The following ZNF398 variants were observed in gnomAD, a reference collection of about 807,000 sequenced individuals.
ZNF398 encodes zinc finger DNA binding protein ZER6.
Under a neutral mutation model 41.9 loss-of-function variants are expected in ZNF398, and 18 were observed. That is an observed-to-expected ratio of 0.43 (90% CI 0.30 to 0.64). ZNF398 has a LOEUF of 0.64. ZNF398 is among the 30% of genes least tolerant of loss of function. The pLI is 0.14. For synonymous variants in ZNF398, 260 were observed against 308.8 expected, an observed-to-expected ratio of 0.84 and a Z score of 1.66; for missense variants, 669 against 822.8, an observed-to-expected ratio of 0.81 and a Z score of 2.29.
chr7:149,126,989 C>T (rs915455675), intron 1 of ZNF398, among the ~76,000 whole-genome samples: 2 of 152,216 alleles, frequency 1.3e-5, no homozygotes, highest in Non-Finnish European at 2.9e-5. Context: ...TCGGGGCCGC[C>T]TGCGGGGACT....
At chr7:149,176,419 T>C (rs771290707) in intron 4 of ZNF398, 49 bp from the exon 5 acceptor site, 2 of 1,214,206 alleles carry the variant, frequency 1.6e-6, no homozygotes, top group Non-Finnish European at 2.5e-6. Flanking sequence ...TTATCTTACC[T>C]TCTTATTCAA....
chr7:149,178,174 C>T (rs1286368867), intron 5 of ZNF398, among the ~76,000 whole-genome samples: 1 of 151,700 alleles, frequency 6.6e-6, no homozygotes, highest in African/African-American at 2.4e-5. Context: ...TGCCTGTAGT[C>T]CCAGCTACTC....
intron 2 of ZNF398, among the ~76,000 whole-genome samples, chr7:149,157,959 C>T (rs1236308880): frequency 6.6e-6 from 1 of 151,142 alleles, no homozygotes; most frequent in Non-Finnish European, 1.5e-5. Context: ...CCTGTAGTCC[C>T]TGCCTGTAGC....
At chr7:149,154,581 A>G (rs1794929686) in intron 2 of ZNF398, among the ~76,000 whole-genome samples, 1 of 149,822 alleles carries the variant, frequency 6.7e-6, no homozygotes, top group African/African-American at 2.5e-5. Flanking sequence ...AAAGTTGGCT[A>G]TCTGGTAGAT....
chr7:149,179,700 C>T lies in ZNF398; in HGVS notation c.1828C>T (p.Pro610Ser). The T allele has an allele frequency of 6.2e-7, 1 of 1,614,214 alleles. No individual in the cohort carries two copies. The highest frequency in any genetic ancestry group is 8.5e-7 in the Non-Finnish European group (1 of 1,180,038). ...AGGTCAGCCACCCAACCCACCAGGT[C>T]CCCTCATAACTGGGCTTGAAACTTC... ...PSGQPPNPPG[P>S]LITGLETSGL... Residue 610 changes from proline (P) to serine (S), a missense_variant, in exon 6 of 6, where the codon CCC becomes TCC. By Grantham distance (74) the Pro-to-Ser change is moderately conservative. Coordinates refer to ENST00000475153, the MANE Select transcript of ZNF398 (RefSeq NM_170686.3). This position sits in a 1 kb window ranked among gnomAD's most constrained non-coding sequence, Gnocchi z 6.1.
At chr7:149,127,609 A>C (rs7780357) in intron 1 of ZNF398, among the ~76,000 whole-genome samples, 137,840 of 147,584 alleles carry the variant, frequency 0.93, 64,481 homozygotes, top group East Asian at 1. Flanking sequence ...CCCAGCTCCT[A>C]GGGAGGCTGA....
At chr7:149,141,447 C>CTTTTTTTTTTTTTTTT (rs35331670) in intron 2 of ZNF398, among the ~76,000 whole-genome samples, 1 of 116,814 alleles carries the variant, frequency 8.6e-6, no homozygotes, top group African/African-American at 2.9e-5. Flanking sequence ...AGCTACTTTT[C>CTTTTTTTTTTTTTTTT]TTTTTTTTCT....
intron 2 of ZNF398, among the ~76,000 whole-genome samples, chr7:149,138,667 A>G (rs1419433782): frequency 6.6e-6 from 1 of 152,200 alleles, no homozygotes; most frequent in Non-Finnish European, 1.5e-5. Context: ...GTGTATACAT[A>G]TATATATTTA....
At chr7:149,165,385 T>C (rs1795206151) in intron 2 of ZNF398, among the ~76,000 whole-genome samples, 1 of 152,280 alleles carries the variant, frequency 6.6e-6, no homozygotes, top group South Asian at 2.1e-4. Context: ...ACAGTCAAGC[T>C]AAAGAGAAAT....
chr7:149,178,087 C>CCT (rs1795500133), intron 5 of ZNF398, among the ~76,000 whole-genome samples: 1 of 152,088 alleles, frequency 6.6e-6, no homozygotes, highest in Non-Finnish European at 1.5e-5. Flanking sequence ...GTCAGGAGAT[C>CCT]GAGACCATCC....
chr7:149,168,106 TCTCA>T lies in ZNF398; in HGVS notation c.661+1180_661+1183del, dbSNP rs1795261372. Among the ~76,000 whole-genome samples the T allele has an allele frequency of 2.0e-5, 3 of 152,118 alleles. 1 individual carries two copies. The South Asian group carries it at 6.2e-4, about 32-fold the overall frequency. On this transcript the variant is annotated intron_variant, in intron 4 of 5. Coordinates refer to ENST00000475153, the MANE Select transcript of ZNF398 (RefSeq NM_170686.3). Reference sequence around the variant, plus strand: ...TTATTTATTTATTTTGGAGATGGAGTCTCACTCTGTCGCCCAGGCTGGAATGCAG... The same window carrying T: ...TTATTTATTTATTTTGGAGATGGAGTCTCTGTCGCCCAGGCTGGAATGCAG...
intron 2 of ZNF398, among the ~76,000 whole-genome samples, chr7:149,163,429 A>C (rs1795154474): frequency 6.8e-6 from 1 of 146,442 alleles, no homozygotes; most frequent in African/African-American, 2.5e-5. Flanking sequence ...CTGAAGTACA[A>C]TGGTGTGATC....
chr7:149,132,379 A>G (rs573440484), intron 2 of ZNF398, among the ~76,000 whole-genome samples: 1 of 152,044 alleles, frequency 6.6e-6, no homozygotes, highest in South Asian at 2.1e-4. Flanking sequence ...TTTTTAGTAG[A>G]TATGGGGTTT....
In ZNF398 at chr7:149,180,559, A is replaced by T. The variant is rs1795568539; in HGVS notation, c.*758A>T. The T allele has an allele frequency of 6.6e-6, 1 of 152,182 alleles. No homozygotes were observed. The highest frequency in any genetic ancestry group is 2.1e-4 in the South Asian group (1 of 4,836). The allele number at this position is 152,182 out of a possible 1,614,324, so 9.4% of individuals were successfully genotyped here. On this transcript the variant is annotated 3_prime_UTR_variant, in exon 6 of 6. Transcript: ENST00000475153. ...AGAAATCTTTGCCAAGGTCCTGGTTAAAAAAATTGGAAACGGTTTTCTTAG... is the reference window on the plus strand; with the variant it reads ...AGAAATCTTTGCCAAGGTCCTGGTTTAAAAAATTGGAAACGGTTTTCTTAG...
intron 2 of ZNF398, among the ~76,000 whole-genome samples, chr7:149,161,221 T>C (rs1795099759): frequency 6.6e-6 from 1 of 152,134 alleles, no homozygotes; most frequent in South Asian, 2.1e-4. Flanking sequence ...GACAATGGGC[T>C]GACAACCTGA....
chr7:149,162,635 T>TA (rs1203489783), intron 2 of ZNF398, among the ~76,000 whole-genome samples: 1 of 152,146 alleles, frequency 6.6e-6, no homozygotes, highest in African/African-American at 2.4e-5. Context: ...TGGCCTGAAT[T>TA]ATAGATTGCA....
At chr7:149,136,270 G>A (rs1285135898) in intron 2 of ZNF398, among the ~76,000 whole-genome samples, 1 of 152,160 alleles carries the variant, frequency 6.6e-6, no homozygotes, top group African/African-American at 2.4e-5. Context: ...TTAGAGGGTT[G>A]CAGAGCGGCC....
chr7:149,149,358 C>G (rs1411816948), intron 1 of ZNF398, among the ~76,000 whole-genome samples: 6 of 151,926 alleles, frequency 3.9e-5, no homozygotes, highest in South Asian at 4.1e-4. Context: ...CTCAGCCTCC[C>G]GAGTAGCTGG....
chr7:149,152,326 A>T (rs1827138858), intron 1 of ZNF398, among the ~76,000 whole-genome samples: 1 of 146,596 alleles, frequency 6.8e-6, no homozygotes, highest in Non-Finnish European at 1.5e-5. Context: ...AGTGGCGCGA[A>T]GTTGGGTTGC....
Sources: allele counts gnomAD v4.1 joint callset (sites outside exome capture counted in the v4.1 genomes callset), GRCh38; gene constraint gnomAD v4.1.1; non-coding constraint Gnocchi (gnomAD v3.1); transcripts MANE v1.5; gene names NCBI Gene and HGNC (gene_info 2026-07-23, HGNC 2026-07-21).